Variants in SIPA1L3 observed in about 807,000 individuals in gnomAD.
SIPA1L3 encodes signal induced proliferation associated 1 like 3.
In SIPA1L3, 59 loss-of-function variants were observed where a neutral mutation model predicts 150.1. The observed-to-expected ratio is 0.39, with a 90% confidence interval of 0.32 to 0.49. The LOEUF is 0.49. Among genes scored for constraint, SIPA1L3 ranks in the 20% least tolerant of loss-of-function variants. SIPA1L3 has a pLI of 0.86. For missense variants in SIPA1L3, 2,211 were observed against 2,489.5 expected, an observed-to-expected ratio of 0.89 and a Z score of 2.38; for synonymous variants, 1,070 against 1,077.6, an observed-to-expected ratio of 0.99 and a Z score of 0.14.
chr19:38,150,279 T>G (rs1483028969), intron 12 of SIPA1L3, among the ~76,000 whole-genome samples: 2 of 151,788 alleles, frequency 1.3e-5, no homozygotes, highest in Admixed American at 6.6e-5. Context: ...TGGAGTTGAG[T>G]TTTCAGAGAG....
chr19:38,149,595 C>CA (rs1168976760), intron 12 of SIPA1L3, among the ~76,000 whole-genome samples: 1 of 152,194 alleles, frequency 6.6e-6, no homozygotes, highest in Non-Finnish European at 1.5e-5. Context: ...GACGGGAAAC[C>CA]AGGCCCCCCC....
chr19:38,001,291 C>T (rs970697160), intron 1 of SIPA1L3, among the ~76,000 whole-genome samples: 1 of 151,918 alleles, frequency 6.6e-6, no homozygotes, highest in African/African-American at 2.4e-5. Flanking sequence ...CAAAGATGAT[C>T]CCTCAAACTC....
rs1222916827 is a variant in SIPA1L3 at position 38,082,150 on chromosome 19, G to T, written c.585G>T (p.Ala195=). 2 of 1,605,706 alleles carry T rather than the reference G, an allele frequency of 1.2e-6. No individual in the cohort carries two copies. Among genetic ancestry groups the T allele is most frequent in the Admixed American group, 3.3e-5 (2 of 59,950 alleles). Residue 195 remains alanine, a synonymous_variant, in exon 3 of 22, where the codon GCG becomes GCT. Coordinates refer to ENST00000222345, the MANE Select transcript of SIPA1L3 (RefSeq NM_015073.3). The stretch of plus-strand genomic sequence containing the variant: ...CGCGGGGGGCCCGGCACACGGGGGC[G>T]CTGCCCCTCTTCCGCGAGTACGGGA... ...GEPRGARHTG[A]LPLFREYGST... is the part of the protein sequence containing the mutation.
chr19:37,908,402 G>T (rs1393578623), intron 1 of SIPA1L3, among the ~76,000 whole-genome samples: 1 of 152,144 alleles, frequency 6.6e-6, no homozygotes, highest in Non-Finnish European at 1.5e-5. Flanking sequence ...TCTCCATCTG[G>T]CCCAGAGACT....
chr19:38,109,259 A>G (rs2145874414), intron 7 of SIPA1L3: 1 of 152,288 alleles, frequency 6.6e-6, no homozygotes, highest in Non-Finnish European at 1.5e-5. Flanking sequence ...CCAAAATCAC[A>G]TCTTCCATGG....
intron 13 of SIPA1L3, among the ~76,000 whole-genome samples, chr19:38,157,939 C>T (rs1363691932): frequency 2.0e-5 from 3 of 152,044 alleles, no homozygotes; most frequent in South Asian, 2.1e-4. Context: ...ACAGTAATGC[C>T]GAGTATGAAG....
chr19:38,007,476 GA>G (rs1212844944), intron 1 of SIPA1L3, among the ~76,000 whole-genome samples: 1 of 146,088 alleles, frequency 6.8e-6, no homozygotes, highest in African/African-American at 2.5e-5. Flanking sequence ...AGAAAGAAAA[GA>G]AAAAAACAAA....
chr19:38,033,677 G>A lies in SIPA1L3; in HGVS notation c.-311+4521G>A, dbSNP rs201888531. Among the ~76,000 whole-genome samples, 119 of 23,316 alleles carry A rather than the reference G, an allele frequency of 5.1e-3. 1 individual carries two copies. In the East Asian group the frequency reaches 0.074, roughly 14 times the overall value. 15.3% of individuals were successfully genotyped at this position (23,316 alleles called of 152,430 possible). A position where few individuals can be genotyped will look rare whatever the true frequency, so the allele number is the denominator to read the frequency against. ...AATAGAGCGAGAGAGATACGTATGT[G>A]TGTGTGTGTGTGTGTGTGTGTGCGT... is the stretch of plus-strand genomic sequence containing the variant. On this transcript the variant is annotated intron_variant, in intron 2 of 21. Coordinates refer to ENST00000222345, the MANE Select transcript of SIPA1L3 (RefSeq NM_015073.3).
intron 9 of SIPA1L3, among the ~76,000 whole-genome samples, chr19:38,124,663 G>A (rs1971128177): frequency 6.6e-6 from 1 of 152,228 alleles, no homozygotes; most frequent in African/African-American, 2.4e-5. Flanking sequence ...CTGGGAGGTG[G>A]AGGTTGTAGC....
chr19:37,952,018 G>A (rs941006916), intron 1 of SIPA1L3, among the ~76,000 whole-genome samples: 1 of 152,004 alleles, frequency 6.6e-6, no homozygotes, highest in Non-Finnish European at 1.5e-5. Flanking sequence ...CCTGCCATAG[G>A]GATTGGTTCA....
chr19:38,023,955 A>G (rs1462902602), intron 1 of SIPA1L3, among the ~76,000 whole-genome samples: 3 of 152,182 alleles, frequency 2.0e-5, no homozygotes, highest in African/African-American at 7.2e-5. Flanking sequence ...TTGGAAGCAG[A>G]TGCCAGCAAC....
intron 8 of SIPA1L3, among the ~76,000 whole-genome samples, chr19:38,117,940 C>T (rs1306911868): frequency 6.6e-6 from 1 of 152,102 alleles, no homozygotes; most frequent in African/African-American, 2.4e-5. Flanking sequence ...CCTGTGCCAC[C>T]ACACCCAGCC....
In SIPA1L3 at chr19:38,119,351, C is replaced by T. The variant is rs1600096333; in HGVS notation, c.2337C>T (p.Pro779=). ...RSKDAPPFGP[P]IPSGTTFRKS... Reference sequence around the variant, plus strand: ...AAGACGCTCCTCCTTTCGGCCCCCCCATCCCCAGTGGAACCACATTCCGCA... The same window carrying T: ...AAGACGCTCCTCCTTTCGGCCCCCCTATCCCCAGTGGAACCACATTCCGCA... The change falls in exon 9 of 22, where the codon CCC becomes CCT. Residue 779 remains proline (P), a synonymous_variant. Transcript: ENST00000222345. 11 of 1,614,210 alleles carry T rather than the reference C, an allele frequency of 6.8e-6. No homozygotes were observed. The highest frequency in any genetic ancestry group is 2.2e-5 in the East Asian group (1 of 44,886).
intron 8 of SIPA1L3, among the ~76,000 whole-genome samples, chr19:38,114,063 T>C (rs943936583): frequency 6.6e-6 from 1 of 152,158 alleles, no homozygotes; most frequent in African/African-American, 2.4e-5. Flanking sequence ...TGTGAAATCA[T>C]GAATCAGGAA....
chr19:37,920,450 G>T (rs8108434), intron 1 of SIPA1L3, among the ~76,000 whole-genome samples: 57,426 of 152,000 alleles, frequency 0.38, 13,702 homozygotes, highest in East Asian at 0.7. Context: ...ATATAGACAG[G>T]CAGAGAGTGC....
chr19:38,116,469 G>A, intron 8 of SIPA1L3, among the ~76,000 whole-genome samples: 1 of 146,872 alleles, frequency 6.8e-6, no homozygotes, highest in East Asian at 2.0e-4. Flanking sequence ...GTTGCAGTGA[G>A]CCGAGATCGC....
At position 38,051,681 on chromosome 19, in the gene SIPA1L3, C is replaced by T. The variant is rs1051773379; in HGVS notation, c.-311+22525C>T. Among the ~76,000 whole-genome samples the T allele has an allele frequency of 5.9e-5, 9 of 152,220 alleles. 1 individual carries two copies. The highest frequency in any genetic ancestry group is 1.2e-4 in the African/African-American group (5 of 41,542). ...GCTCGATCTTAGCTCATTGCAGACT[C>T]GAACTCCTGAACTCAAGTGATCCTC... On this transcript the variant is annotated intron_variant, in intron 2 of 21. Coordinates refer to ENST00000222345, the MANE Select transcript of SIPA1L3 (RefSeq NM_015073.3).
chr19:38,014,178 G>C (rs569331844), intron 1 of SIPA1L3, among the ~76,000 whole-genome samples: 1 of 152,212 alleles, frequency 6.6e-6, no homozygotes. Flanking sequence ...CATGGCATTC[G>C]TGCTGGTAAA....
chr19:38,132,594 A>AG (rs1238139146), intron 10 of SIPA1L3, among the ~76,000 whole-genome samples: 1 of 151,332 alleles, frequency 6.6e-6, no homozygotes, highest in African/African-American at 2.4e-5. Context: ...CAAAAAAAAA[A>AG]AAAAAGAAAA....
Sources: allele counts gnomAD v4.1 joint callset (sites outside exome capture counted in the v4.1 genomes callset), GRCh38; gene constraint gnomAD v4.1.1; transcripts MANE v1.5; gene names NCBI Gene and HGNC (gene_info 2026-07-23, HGNC 2026-07-21).